CHD1: variants seen among roughly 807,000 people sequenced by gnomAD.
CHD1 encodes the protein ATP-dependent chromatin remodeler CHD1.
A neutral mutation model predicts 224.2 loss-of-function variants in CHD1; 36 were observed. The observed-to-expected ratio is 0.16, with a 90% CI of 0.12 to 0.21. CHD1 has a LOEUF of 0.21. Among genes scored for constraint, CHD1 ranks in the 10% least tolerant of loss-of-function variants. The pLI, the probability that CHD1 is intolerant of heterozygous loss-of-function variation, is 1.00. For missense variants in CHD1, 1,378 were observed against 1,994.8 expected, an observed-to-expected ratio of 0.69 and a Z score of 5.89; for synonymous variants, 668 against 658.3, an observed-to-expected ratio of 1.01 and a Z score of -0.23.
At chr5:98,861,717 T>C (rs1030526844) in intron 32 of CHD1, among the ~76,000 whole-genome samples, 3 of 151,086 alleles carry the variant, frequency 2.0e-5, no homozygotes, top group African/African-American at 7.3e-5. Context: ...TTAGCCAGGA[T>C]GGTCTCAATC....
intron 24 of CHD1, among the ~76,000 whole-genome samples, chr5:98,876,120 T>C (rs1212892650): frequency 1.3e-5 from 2 of 152,214 alleles, no homozygotes; most frequent in Non-Finnish European, 2.9e-5. Flanking sequence ...AAACTACTTT[T>C]ATTATTCGAA....
intron 26 of CHD1, 121 bp from the exon 27 acceptor site, chr5:98,872,676 TAAGA>T: frequency 1.2e-6 from 1 of 837,588 alleles, no homozygotes; most frequent in Non-Finnish European, 1.9e-6. Flanking sequence ...TTTATATTAT[TAAGA>T]GATTACTGGA....
At chr5:98,906,527 G>GTC (rs1752063140) in intron 2 of CHD1, among the ~76,000 whole-genome samples, 4 of 152,078 alleles carry the variant, frequency 2.6e-5, no homozygotes, top group Non-Finnish European at 5.9e-5. Flanking sequence ...GAACTATCAT[G>GTC]TGTTAGGCAC....
chr5:98,867,558 A>ATGTGTGTG (rs71226948), intron 31 of CHD1, among the ~76,000 whole-genome samples: 397 of 150,950 alleles, frequency 2.6e-3, no homozygotes, highest in African/African-American at 9.4e-3. Context: ...ACTATTACAC[A>ATGTGTGTG]TGTGTGTGTG....
intron 15 of CHD1, among the ~76,000 whole-genome samples, chr5:98,891,493 C>T (rs573234174): frequency 2.6e-5 from 4 of 151,980 alleles, no homozygotes; most frequent in African/African-American, 9.6e-5. Context: ...ACCAGAGATA[C>T]ATAAAAAGAC....
Position 98,883,102 on chromosome 5 carries a change from C to T in CHD1, c.2704G>A (p.Gly902Arg). Residue 902 changes from glycine to arginine, a missense_variant, in exon 19 of 36, where the codon GGG becomes AGG. Around this residue, in one of 16 missense-constraint regions of CHD1, gnomAD observed 57 missense variants for 177.2 expected, o/e 0.32. Transcript: ENST00000614616. ...ATTAAAAATACCTGTTTCTTTTGCCCAATTCGATGGGCTCTAGCCTGTGCC... is the reference window on the plus strand; with the variant it reads ...ATTAAAAATACCTGTTTCTTTTGCCTAATTCGATGGGCTCTAGCCTGTGCC... ...LQAQARAHRIGQKKQVNIYRL... is the reference protein window; with the variant it reads ...LQAQARAHRIRQKKQVNIYRL... 6.7e-7 allele frequency: 1 copy of T among 1,495,546 alleles called. No individual in the cohort carries two copies. Among genetic ancestry groups the T allele is most frequent in the Non-Finnish European group, 8.9e-7 (1 of 1,125,464 alleles). The allele number at this position is 1,495,546 out of a possible 1,614,324, so 92.6% of individuals were successfully genotyped here.
At position 98,857,833 on chromosome 5, in the gene CHD1, A is replaced by G. The variant is rs465770; in HGVS notation, c.4787+347T>C. On this transcript the variant is annotated intron_variant, in intron 35 of 35. Coordinates refer to ENST00000614616, the MANE Select transcript of CHD1 (RefSeq NM_001270.4). ...TGCAAAATTTCCTAAACCAAACCTG[A>G]ATCACTATTATATCAAGCTTTTATC... 3.0e-3 allele frequency among the ~76,000 whole-genome samples: 451 copies of G among 152,138 alleles called. 3 individuals are homozygous for G. Among genetic ancestry groups the G allele is most frequent in the African/African-American group, 0.01 (423 of 41,552 alleles).
chr5:98,885,638 T>C lies in CHD1; in HGVS notation c.2508A>G (p.Gly836=). ...YRQFPFQRLD[G]SIKGELRKQA... ...GTTTCCTCAGTTCTCCTTTTATTGA[T>C]CCATCTAATCTCTAGAAAAAAACAC... The change falls in exon 18 of 36, where the codon GGA becomes GGG. Residue 836 remains glycine, a synonymous_variant. Transcript: ENST00000614616. 6.3e-7 allele frequency: 1 copy of C among 1,585,786 alleles called. No homozygotes were observed.
chr5:98,897,222 A>T lies in CHD1; in HGVS notation c.1464T>A (p.Gly488=), dbSNP rs779408560. 1.9e-5 allele frequency: 30 copies of T among 1,611,860 alleles called. No homozygotes were observed. The highest frequency in any genetic ancestry group is 1.7e-5 in the Admixed American group (1 of 59,624). ...GLELRDYQLN[G]LNWLAHSWCK... is the part of the protein sequence containing the mutation. ...ACCAAGAATGAGCAAGCCAATTTAA[A>T]CCATTCAGTTGATAATCTCTTAATT... The change falls in exon 11 of 36, where the codon GGT becomes GGA. Residue 488 remains glycine (G), a synonymous_variant. Coordinates refer to ENST00000614616, the MANE Select transcript of CHD1 (RefSeq NM_001270.4).
At chr5:98,921,203 AG>A (rs1753072723) in intron 2 of CHD1, among the ~76,000 whole-genome samples, 1 of 152,202 alleles carries the variant, frequency 6.6e-6, no homozygotes, top group South Asian at 2.1e-4. Flanking sequence ...TGCTAGGTTA[AG>A]GCACAGCAAG....
chr5:98,881,324 A>G lies in CHD1; in HGVS notation c.2919T>C (p.Ala973=), dbSNP rs146896273. 1.6e-4 allele frequency: 251 copies of G among 1,546,294 alleles called. 1 individual carries two copies. In the African/African-American group the frequency reaches 3.1e-3, roughly 19 times the overall value. The part of the protein sequence containing the change: ...EELSAILKFG[A]EELFKEPEGE... Reference sequence around the variant, plus strand: ...CTTCAGGTTCCTTAAAAAGTTCTTCAGCACCAAACTTTAAAATGGCTGATA... The same window carrying G: ...CTTCAGGTTCCTTAAAAAGTTCTTCGGCACCAAACTTTAAAATGGCTGATA... Residue 973 remains alanine (A), a synonymous_variant, in exon 21 of 36, where the codon GCT becomes GCC. Transcript: ENST00000614616.
At chr5:98,909,090 T>C (rs1386913111) in intron 2 of CHD1, among the ~76,000 whole-genome samples, 1 of 152,134 alleles carries the variant, frequency 6.6e-6, no homozygotes, top group Non-Finnish European at 1.5e-5. Context: ...TTGTAAACAT[T>C]TGCAATACCA....
chr5:98,892,325 T>C (rs561067758), intron 15 of CHD1, among the ~76,000 whole-genome samples, 200 bp downstream of exon 15: 1 of 152,314 alleles, frequency 6.6e-6, no homozygotes, highest in South Asian at 2.1e-4. Flanking sequence ...AATTACTCAG[T>C]GTTGTCACTC....
intron 18 of CHD1, among the ~76,000 whole-genome samples, chr5:98,883,514 T>C (rs2112410150): frequency 6.6e-6 from 1 of 151,992 alleles, no homozygotes; most frequent in Admixed American, 6.6e-5. Context: ...AAAAGGCATA[T>C]ACCAAAAAAA....
chr5:98,923,213 T>C (rs1273632990), intron 2 of CHD1, among the ~76,000 whole-genome samples: 1 of 151,588 alleles, frequency 6.6e-6, no homozygotes. Flanking sequence ...AGAAAGAAAA[T>C]GAAGGCAAAA....
At chr5:98,879,422 G>T in intron 23 of CHD1, 130 bp downstream of exon 23, 1 of 671,724 alleles carries the variant, frequency 1.5e-6, no homozygotes, top group Non-Finnish European at 2.3e-6. Flanking sequence ...ATTTCATGAG[G>T]CAAACATTAT....
intron 30 of CHD1, chr5:98,868,933 G>T (rs1749110104): frequency 1.6e-6 from 1 of 617,058 alleles, no homozygotes; most frequent in Non-Finnish European, 2.1e-6. Flanking sequence ...ACTAATAAGG[G>T]CTGATATGCA....
At chr5:98,870,625 A>G (rs1749259836) in intron 29 of CHD1, 62 bp downstream of exon 29, 1 of 865,642 alleles carries the variant, frequency 1.2e-6, no homozygotes. Flanking sequence ...AGCATGGTGA[A>G]GTAAACAAAA....
Position 98,889,328 on chromosome 5 carries a change from G to A in CHD1, c.2181-90C>T, listed in dbSNP as rs975267089. The A allele has an allele frequency of 3.1e-5, 28 of 907,712 alleles. No individual in the cohort carries two copies. In the Admixed American group the frequency reaches 3.5e-4, roughly 11 times the overall value. 56.2% of individuals were successfully genotyped at this position (907,712 alleles called of 1,614,324 possible). On this transcript the variant is annotated intron_variant, in intron 15 of 35. Coordinates refer to ENST00000614616, the MANE Select transcript of CHD1 (RefSeq NM_001270.4). ...ATTAAAACAAACAAAAAAAGCCAAC[G>A]ATAGTACCAAAGTAAAACTGTACCG...
Sources: allele counts gnomAD v4.1 joint callset (sites outside exome capture counted in the v4.1 genomes callset), GRCh38; gene constraint gnomAD v4.1.1; regional missense constraint gnomAD v4.1.1; transcripts MANE v1.5; gene names NCBI Gene and HGNC (gene_info 2026-07-23, HGNC 2026-07-21).